Variants in STXBP5L observed in about 807,000 individuals in gnomAD.
STXBP5L encodes syntaxin binding protein 5L.
A neutral mutation model predicts 144.5 loss-of-function variants in STXBP5L; 65 were observed. The ratio of observed to expected loss-of-function variants is 0.45; its 90% confidence interval spans 0.37 to 0.55. The LOEUF is 0.55. Among genes scored for constraint, STXBP5L ranks in the 20% least tolerant of loss-of-function variants. The pLI, the probability that STXBP5L is intolerant of heterozygous loss-of-function variation, is 0.00. For missense variants in STXBP5L, 1,298 were observed against 1,405.5 expected (o/e 0.92, Z 1.22); for synonymous variants, 505 against 469.6 (o/e 1.08, Z -0.97).
At chr3:120,955,984 A>G (rs1292481023) in intron 3 of STXBP5L, among the ~76,000 whole-genome samples, 2 of 151,952 alleles carry the variant, frequency 1.3e-5, no homozygotes, top group Non-Finnish European at 2.9e-5. Context: ...ATTCCTTTAT[A>G]CTGAATTGGA....
intron 18 of STXBP5L, among the ~76,000 whole-genome samples, chr3:121,271,968 T>C (rs1294617216): frequency 6.6e-6 from 1 of 152,232 alleles, no homozygotes; most frequent in Non-Finnish European, 1.5e-5. Context: ...TTCCTGTGAT[T>C]GATTTCTAGT....
rs1275774829 is a variant in STXBP5L at position 120,986,836 on chromosome 3, T to C, written c.287+31799T>C. Among the ~76,000 whole-genome samples the C allele has an allele frequency of 5.9e-5, 9 of 151,902 alleles. No homozygotes were observed. The East Asian group carries it at 1.7e-3, about 29-fold the overall frequency. The stretch of plus-strand genomic sequence containing the variant: ...ATTACCAGAACAATTCAAAGACAGA[T>C]TTAAGCAGACAGAAGAATCAGCAAA... On this transcript the variant is annotated intron_variant, in intron 3 of 26. Coordinates refer to ENST00000471454, the MANE Select transcript of STXBP5L (RefSeq NM_001308330.2).
intron 5 of STXBP5L, chr3:121,049,543 G>T (rs1174351937): frequency 2.6e-5 from 4 of 154,410 alleles, no homozygotes; most frequent in Non-Finnish European, 5.9e-5. Context: ...TGTGGATGTG[G>T]TCTGCCTCTC....
At chr3:121,017,674 T>A (rs1428390607) in intron 3 of STXBP5L, among the ~76,000 whole-genome samples, 1 of 152,180 alleles carries the variant, frequency 6.6e-6, no homozygotes, top group South Asian at 2.1e-4. Flanking sequence ...ACCATTTACA[T>A]TGGCATCTAA....
intron 22 of STXBP5L, among the ~76,000 whole-genome samples, chr3:121,401,892 A>G: frequency 3.4e-5 from 2 of 58,300 alleles, no homozygotes; most frequent in South Asian, 1.9e-3. Context: ...CTTAGAGTAT[A>G]ATAAAAAAAA....
chr3:121,093,714 A>T (rs1227893392), intron 5 of STXBP5L, among the ~76,000 whole-genome samples: 2 of 152,022 alleles, frequency 1.3e-5, no homozygotes, highest in African/African-American at 4.8e-5. Context: ...TGATCCTTTC[A>T]AAAAACCAGC....
At chr3:121,079,657 T>C (rs1482944268) in intron 5 of STXBP5L, among the ~76,000 whole-genome samples, 1 of 152,238 alleles carries the variant, frequency 6.6e-6, no homozygotes, top group Admixed American at 6.5e-5. Context: ...TTGGAGTTGA[T>C]TTCCAGTTTT....
rs1025388579 is a variant in STXBP5L at position 121,121,993 on chromosome 3, G to A, written c.669+289G>A. Among the ~76,000 whole-genome samples the A allele has an allele frequency of 2.0e-5, 3 of 150,712 alleles. No individual in the cohort carries two copies. The South Asian group carries it at 6.2e-4, about 31-fold the overall frequency. ...CAACTTTAATTTTCAAATACTCTAT[G>A]CTTGAATTTAATAATATGATTATAA... On this transcript the variant is annotated intron_variant, in intron 7 of 26. Transcript: ENST00000471454.
chr3:121,029,870 T>A (rs113340767), intron 3 of STXBP5L, among the ~76,000 whole-genome samples: 1 of 151,126 alleles, frequency 6.6e-6, no homozygotes. Flanking sequence ...GGGCAAAGGA[T>A]ATGAACAGAG....
chr3:121,258,219 A>G (rs2050271873), intron 17 of STXBP5L, among the ~76,000 whole-genome samples: 1 of 152,234 alleles, frequency 6.6e-6, no homozygotes, highest in Non-Finnish European at 1.5e-5. Flanking sequence ...CTTCTATACC[A>G]TCAAATCAAA....
chr3:121,029,325 A>G lies in STXBP5L; in HGVS notation c.288-12375A>G, dbSNP rs1192985544. Among the ~76,000 whole-genome samples, 5 of 152,194 alleles carry G rather than the reference A, an allele frequency of 3.3e-5. No homozygotes were observed. In the East Asian group the frequency reaches 9.6e-4, roughly 29 times the overall value. ...CCAAAACAGCATGGTACTGGTAACA[A>G]AACAGATATATAGACCAATGGAACA... On this transcript the variant is annotated intron_variant, in intron 3 of 26. Coordinates refer to ENST00000471454, the MANE Select transcript of STXBP5L (RefSeq NM_001308330.2).
At chr3:121,351,345 C>T (rs554132679) in intron 20 of STXBP5L, among the ~76,000 whole-genome samples, 3 of 152,046 alleles carry the variant, frequency 2.0e-5, no homozygotes, top group Non-Finnish European at 4.4e-5. Flanking sequence ...AGTACCCGGC[C>T]GTGTCAGGTG....
intron 5 of STXBP5L, among the ~76,000 whole-genome samples, chr3:121,063,078 A>T (rs1373301611): frequency 6.6e-6 from 1 of 152,334 alleles, no homozygotes; most frequent in East Asian, 1.9e-4. Context: ...CCTCTGGAGC[A>T]GAAGAGTCAT....
intron 3 of STXBP5L, among the ~76,000 whole-genome samples, chr3:120,971,925 T>C (rs1940318970): frequency 6.6e-6 from 1 of 151,978 alleles, no homozygotes; most frequent in Non-Finnish European, 1.5e-5. Flanking sequence ...CTTCATATCA[T>C]TCATTGATGA....
chr3:120,957,618 G>A (rs533546494), intron 3 of STXBP5L, among the ~76,000 whole-genome samples: 1 of 151,600 alleles, frequency 6.6e-6, no homozygotes, highest in Non-Finnish European at 1.5e-5. Context: ...AGTAGAAGTA[G>A]TATTAGTTCT....
At chr3:121,171,379 A>T (rs1215224548) in intron 9 of STXBP5L, among the ~76,000 whole-genome samples, 1 of 152,202 alleles carries the variant, frequency 6.6e-6, no homozygotes, top group Non-Finnish European at 1.5e-5. Context: ...AGAGAAAGAA[A>T]TAAAGGGTAT....
chr3:120,974,413 T>A lies in STXBP5L; in HGVS notation c.287+19376T>A, dbSNP rs1940680871. On this transcript the variant is annotated intron_variant, in intron 3 of 26. Coordinates refer to ENST00000471454, the MANE Select transcript of STXBP5L (RefSeq NM_001308330.2). ...TGTTTGTTTTTTTCTTGTAAATTTG[T>A]TTGAGTTCATTGTAGATTCTGGATA... Among the ~76,000 whole-genome samples the A allele has an allele frequency of 2.0e-5, 3 of 150,662 alleles. 1 individual carries two copies. The highest frequency in any genetic ancestry group is 4.4e-5 in the Non-Finnish European group (3 of 67,962).
chr3:121,315,540 A>G (rs1031835082), intron 19 of STXBP5L, among the ~76,000 whole-genome samples: 6 of 151,532 alleles, frequency 4.0e-5, no homozygotes, highest in Admixed American at 3.9e-4. Flanking sequence ...GCTAAATGAC[A>G]AGTTAATGGG....
At chr3:121,216,199 A>G (rs2048770187) in intron 10 of STXBP5L, among the ~76,000 whole-genome samples, 1 of 152,194 alleles carries the variant, frequency 6.6e-6, no homozygotes, top group South Asian at 2.1e-4. Context: ...CTTTCAATTC[A>G]TCAAACTCAT....
Sources: allele counts gnomAD v4.1 joint callset (sites outside exome capture counted in the v4.1 genomes callset), GRCh38; gene constraint gnomAD v4.1.1; transcripts MANE v1.5; gene names NCBI Gene and HGNC (gene_info 2026-07-23, HGNC 2026-07-21).